UNC5C: variants seen among roughly 807,000 people sequenced by gnomAD.
UNC5C encodes unc-5 netrin receptor C, also known as netrin receptor UNC5C.
UNC5C carries 47 observed loss-of-function variants against 99.8 expected under a neutral mutation model. The ratio of observed to expected loss-of-function variants is 0.47; its 90% CI spans 0.37 to 0.60. UNC5C has a LOEUF of 0.60. Ranked by LOEUF, UNC5C falls within the 20% of genes least tolerant of loss-of-function variation. UNC5C has a pLI of 0.00. For missense variants in UNC5C, 1,062 were observed against 1,165.9 expected (o/e 0.91, Z 1.30); for synonymous variants, 487 against 452.2 (o/e 1.08, Z -0.98).
chr4:95,528,183 T>C (rs1265382835), intron 1 of UNC5C, among the ~76,000 whole-genome samples: 1 of 152,234 alleles, frequency 6.6e-6, no homozygotes, highest in Non-Finnish European at 1.5e-5. Context: ...TCTTATGTTT[T>C]GAATTTAAAA....
intron 3 of UNC5C, among the ~76,000 whole-genome samples, chr4:95,292,255 AT>A (rs370104779): frequency 0.2 from 28,700 of 143,618 alleles, 3,031 homozygotes; most frequent in East Asian, 0.32. Context: ...ATATATATAT[AT>A]ATATATATAT....
chr4:95,199,228 C>T lies in UNC5C; in HGVS notation c.2136+3503G>A, dbSNP rs528669104. ...GAGTATGTTGGGAACATTAGCAGGG[C>T]GCCAAGAAGGCAGAGTTTTAGTAAT... On this transcript the variant is annotated intron_variant, in intron 12 of 15. Coordinates refer to ENST00000453304, the MANE Select transcript of UNC5C (RefSeq NM_003728.4). 2.7e-3 allele frequency among the ~76,000 whole-genome samples: 406 copies of T among 152,110 alleles called. 1 individual carries two copies. The highest frequency in any genetic ancestry group is 0.017 in the Middle Eastern group (5 of 294).
At chr4:95,273,928 T>G (rs1422215802) in intron 4 of UNC5C, among the ~76,000 whole-genome samples, 1 of 152,064 alleles carries the variant, frequency 6.6e-6, no homozygotes, top group South Asian at 2.1e-4. Context: ...AGAAACACCC[T>G]TTTTCTAGAG....
At chr4:95,506,721 G>A (rs1009420802) in intron 1 of UNC5C, among the ~76,000 whole-genome samples, 39 of 151,688 alleles carry the variant, frequency 2.6e-4, no homozygotes, top group African/African-American at 9.4e-4. Flanking sequence ...TAGCTGTACT[G>A]CATTAAGAAA....
intron 13 of UNC5C, 126 bp downstream of exon 13, chr4:95,184,921 C>A (rs563452205): frequency 1.8e-6 from 2 of 1,111,130 alleles, no homozygotes; most frequent in African/African-American, 3.2e-5. Context: ...TAACCCCAAA[C>A]TATTTTGGAG....
At chr4:95,272,351 T>G (rs1005518211) in intron 4 of UNC5C, among the ~76,000 whole-genome samples, 1 of 152,222 alleles carries the variant, frequency 6.6e-6, no homozygotes, top group Non-Finnish European at 1.5e-5. Flanking sequence ...AACCACTAAG[T>G]ACATGCAAAA....
chr4:95,454,096 A>G (rs536047531), intron 1 of UNC5C, among the ~76,000 whole-genome samples: 1 of 152,188 alleles, frequency 6.6e-6, no homozygotes, highest in Non-Finnish European at 1.5e-5. Flanking sequence ...TAGTTGCACA[A>G]TATTGTGAGT....
chr4:95,410,778 GT>G (rs1745961513), intron 1 of UNC5C, among the ~76,000 whole-genome samples: 1 of 152,150 alleles, frequency 6.6e-6, no homozygotes, highest in Non-Finnish European at 1.5e-5. Context: ...GCATTCAAAT[GT>G]GGATCCTACC....
chr4:95,279,157 T>C (rs1363542928), intron 3 of UNC5C, among the ~76,000 whole-genome samples: 2 of 152,188 alleles, frequency 1.3e-5, no homozygotes, highest in Non-Finnish European at 2.9e-5. Context: ...GAAAACAGAA[T>C]GCTGGAATCT....
chr4:95,193,510 C>G (rs1379486133), intron 12 of UNC5C, among the ~76,000 whole-genome samples: 1 of 152,166 alleles, frequency 6.6e-6, no homozygotes, highest in Non-Finnish European at 1.5e-5. Flanking sequence ...AAAAGGCCAG[C>G]CCTCAATGAC....
At chr4:95,346,935 AAAAAT>A (rs1031894169) in intron 1 of UNC5C, among the ~76,000 whole-genome samples, 1 of 152,020 alleles carries the variant, frequency 6.6e-6, no homozygotes, top group African/African-American at 2.4e-5. Flanking sequence ...ACAAGAGAAA[AAAAAT>A]AAAGGGCATC....
intron 1 of UNC5C, among the ~76,000 whole-genome samples, chr4:95,370,766 C>G (rs1744723518): frequency 6.6e-6 from 1 of 152,166 alleles, no homozygotes; most frequent in Non-Finnish European, 1.5e-5. Flanking sequence ...TACTTTATCA[C>G]AGTAAGACAA....
At chr4:95,293,543 C>G (rs1741565174) in intron 3 of UNC5C, among the ~76,000 whole-genome samples, 1 of 151,898 alleles carries the variant, frequency 6.6e-6, no homozygotes, top group Non-Finnish European at 1.5e-5. Context: ...TGGTCTCAAA[C>G]CCCTATGTGC....
intron 12 of UNC5C, 102 bp from the exon 13 acceptor site, chr4:95,185,298 C>T (rs545168780): frequency 4.4e-5 from 63 of 1,427,060 alleles, no homozygotes; most frequent in African/African-American, 1.7e-4. Context: ...GAATGGCAGG[C>T]GGAACTTGTG....
chr4:95,244,926 TG>T, intron 6 of UNC5C, 50 bp downstream of exon 6: 1 of 1,603,236 alleles, frequency 6.2e-7, no homozygotes, highest in Non-Finnish European at 8.5e-7. Flanking sequence ...TCTAAAAGCA[TG>T]TTTCTTGAAT....
At chr4:95,348,605 AT>A (rs1018377517) in intron 1 of UNC5C, among the ~76,000 whole-genome samples, 28 of 148,928 alleles carry the variant, frequency 1.9e-4, no homozygotes, top group African/African-American at 3.2e-4. Context: ...CATTAAAAGT[AT>A]TTTTTAATGA....
chr4:95,240,609 T>C (rs1221615134), intron 7 of UNC5C, among the ~76,000 whole-genome samples: 1 of 151,506 alleles, frequency 6.6e-6, no homozygotes, highest in African/African-American at 2.4e-5. Context: ...AGAGACGTGA[T>C]AAAAATACAA....
chr4:95,451,017 A>G (rs974214979), intron 1 of UNC5C, among the ~76,000 whole-genome samples: 1 of 152,246 alleles, frequency 6.6e-6, no homozygotes, highest in Admixed American at 6.5e-5. Context: ...AAGTAAAGGT[A>G]TTCATACTGA....
chr4:95,353,664 GAA>G (rs1253651103), intron 1 of UNC5C, among the ~76,000 whole-genome samples: 1 of 151,540 alleles, frequency 6.6e-6, no homozygotes, highest in African/African-American at 2.4e-5. Context: ...ACTATGAAAA[GAA>G]AATAGAAATA....
Sources: gnomAD v4.1 joint callset for allele counts (sites outside exome capture counted in the v4.1 genomes callset) on GRCh38, gnomAD v4.1.1 for gene constraint, MANE v1.5 for transcripts, NCBI Gene and HGNC (gene_info 2026-07-23, HGNC 2026-07-21) for gene names.